The following LYZL6 variants were observed in gnomAD, a reference collection of about 807,000 sequenced individuals.
The protein encoded by LYZL6 is lysozyme-like protein 6.
In LYZL6, 21 loss-of-function variants were observed where a neutral mutation model predicts 15.0. The observed-to-expected ratio is 1.40, with a 90% CI of 1.00 to 2.02. The LOEUF (loss-of-function observed/expected upper bound fraction) is 2.02, where lower values mean the gene tolerates loss of function less well. Among genes scored for constraint, LYZL6 ranks in the 30% most tolerant of loss-of-function variants. The pLI, the probability that LYZL6 is intolerant of heterozygous loss-of-function variation, is 0.00. For missense variants in LYZL6, 173 were observed against 180.5 expected (o/e 0.96, Z 0.24); for synonymous variants, 72 against 67.8 (o/e 1.06, Z -0.31).
rs1231105420 is a variant in LYZL6 at position 35,934,817 on chromosome 17, C to T, written c.426G>A (p.Leu142=). ...HCSGRPLFYW[L]TGCRLR is the part of the protein sequence containing the mutation. The stretch of plus-strand genomic sequence containing the variant: ...TGTTTCATCTCAGGCGGCATCCTGT[C>T]AGCCAGTAGAAGAGTGGCCGGCCTG... The change falls in exon 5 of 5, where the codon CTG becomes CTA. Residue 142 remains leucine (L), a synonymous_variant. Coordinates refer to ENST00000615905, the MANE Select transcript of LYZL6 (RefSeq NM_020426.4). 2.5e-6 allele frequency: 4 copies of T among 1,614,228 alleles called. No individual in the cohort carries two copies. Among genetic ancestry groups the T allele is most frequent in the Non-Finnish European group, 2.5e-6 (3 of 1,180,052 alleles).
At chr17:35,939,581 G>C (rs962009451) in intron 1 of LYZL6, 23 bp from the exon 2 acceptor site, 4 of 399,930 alleles carry the variant, frequency 1.0e-5, no homozygotes, top group Non-Finnish European at 1.8e-5. Flanking sequence ...AAAGAGAATA[G>C]TATCATGAAC....
intron 1 of LYZL6, among the ~76,000 whole-genome samples, chr17:35,941,078 T>A (rs2089421471): frequency 6.6e-6 from 1 of 152,230 alleles, no homozygotes; most frequent in South Asian, 2.1e-4. Flanking sequence ...GCCTACCAGA[T>A]TTCCAAAGTG....
intron 1 of LYZL6, among the ~76,000 whole-genome samples, chr17:35,942,816 G>A (rs2089433838): frequency 6.6e-6 from 1 of 152,116 alleles, no homozygotes; most frequent in African/African-American, 2.4e-5. Context: ...CGCTAAGATA[G>A]GGAAGCTAAA....
At chr17:35,937,686 TG>T (rs2089386475) in intron 3 of LYZL6, 71 bp downstream of exon 3, 1 of 1,516,076 alleles carries the variant, frequency 6.6e-7, no homozygotes, top group Admixed American at 2.0e-5. Context: ...AGGCTGTGGG[TG>T]GGAAGAGAAG....
chr17:35,936,015 A>T (rs538345061), intron 4 of LYZL6, among the ~76,000 whole-genome samples: 6 of 151,376 alleles, frequency 4.0e-5, no homozygotes, highest in Non-Finnish European at 7.4e-5. Flanking sequence ...GGGCTTCACC[A>T]TGTTGACCAG....
chr17:35,938,583 A>G (rs1003881632), intron 2 of LYZL6, among the ~76,000 whole-genome samples: 11 of 148,570 alleles, frequency 7.4e-5, no homozygotes, highest in African/African-American at 2.7e-4. Context: ...GCGCCACTAC[A>G]CTCCAGCCTG....
rs142098525 is a variant in LYZL6, at chr17:35,940,109, T to C, written c.-202-551A>G. Among the ~76,000 whole-genome samples the C allele has an allele frequency of 1.3e-3, 200 of 152,116 alleles. 2 individuals carry two copies. Among genetic ancestry groups the C allele is most frequent in the African/African-American group, 3.9e-3 (163 of 41,514 alleles). ...CACATTGTGTATGTGTGTGTGCGCG[T>C]GTGTGTGTGTTGAATAGCAAGGGCC... On this transcript the variant is annotated intron_variant, in intron 1 of 4. Transcript: ENST00000615905.
intron 1 of LYZL6, 33 bp from the exon 2 acceptor site, chr17:35,939,591 C>G: frequency 2.9e-6 from 1 of 350,744 alleles, no homozygotes; most frequent in Non-Finnish European, 5.1e-6. Context: ...GTATCATGAA[C>G]CTCCATATAC....
intron 3 of LYZL6, among the ~76,000 whole-genome samples, chr17:35,937,239 A>T (rs1368633684): frequency 6.6e-6 from 1 of 152,188 alleles, no homozygotes; most frequent in East Asian, 1.9e-4. Flanking sequence ...GGGCAGAGTC[A>T]TGGGCCCTGT....
rs11654713 is a variant in LYZL6, at chr17:35,935,883, G to T, written c.377+872C>A. On this transcript the variant is annotated intron_variant, in intron 4 of 4. Coordinates refer to ENST00000615905, the MANE Select transcript of LYZL6 (RefSeq NM_020426.4). ...GGCTGGAGTGCAGTGGCGCGATCTC[G>T]GCTCACTGCAGCCTCCACCTCCCAG... is the stretch of plus-strand genomic sequence containing the variant. Among the ~76,000 whole-genome samples the T allele has an allele frequency of 4.7e-5, 7 of 148,172 alleles. No individual in the cohort carries two copies. The East Asian group carries it at 8.1e-4, about 17-fold the overall frequency.
intron 1 of LYZL6, among the ~76,000 whole-genome samples, chr17:35,940,024 A>G (rs926350158): frequency 1.3e-5 from 2 of 151,926 alleles, no homozygotes; most frequent in Admixed American, 6.6e-5. Context: ...ATTTTTCCCA[A>G]GGGCATACCC....
chr17:35,936,952 G>C, intron 3 of LYZL6, 119 bp from the exon 4 acceptor site: 2 of 835,670 alleles, frequency 2.4e-6, no homozygotes, highest in Non-Finnish European at 3.9e-6. Flanking sequence ...TGAGGCAAAG[G>C]CTGTCTCCCA....
In LYZL6 at chr17:35,934,931, T is replaced by C. The variant is rs895185175; in HGVS notation, c.378-66A>G. ...AACTCTTCCACACACATGACCCAGT[T>C]CTTGGTGAGTCTCGCATATGGAGCA... On this transcript the variant is annotated intron_variant, in intron 4 of 4. Coordinates refer to ENST00000615905, the MANE Select transcript of LYZL6 (RefSeq NM_020426.4). 25 of 1,496,728 alleles carry C rather than the reference T, an allele frequency of 1.7e-5. No individual in the cohort carries two copies. The African/African-American group carries it at 2.6e-4, about 16-fold the overall frequency. The allele number at this position is 1,496,728 out of a possible 1,614,324, so 92.7% of individuals were successfully genotyped here.
In LYZL6 at chr17:35,937,757, C is replaced by T. The variant is rs201666254; in HGVS notation, c.298+1G>A. 66 of 1,613,844 alleles carry T rather than the reference C, an allele frequency of 4.1e-5. No homozygotes were observed. Among genetic ancestry groups the T allele is most frequent in the Non-Finnish European group, 5.4e-5 (64 of 1,179,906 alleles). ...CTCCCACCCTGGGGCCCTGGCCAGA[C>T]CTTGACAGTCTACGTGGCAAAGGTT... On this transcript the variant is annotated splice_donor_variant, in intron 3 of 4. Transcript: ENST00000615905. LOFTEE classifies it high-confidence loss of function.
intron 1 of LYZL6, among the ~76,000 whole-genome samples, chr17:35,940,917 T>C (rs1040352771): frequency 2.2e-4 from 33 of 152,274 alleles, no homozygotes; most frequent in African/African-American, 8.0e-4. Flanking sequence ...CATTCATTAG[T>C]TGATGGACAT....
chr17:35,941,679 A>G (rs1279350146), intron 1 of LYZL6, among the ~76,000 whole-genome samples: 3 of 152,186 alleles, frequency 2.0e-5, no homozygotes, highest in African/African-American at 4.8e-5. Context: ...TGACAAAAAG[A>G]TACATTGTGT....
At chr17:35,936,222 G>A (rs1388188905) in intron 4 of LYZL6, among the ~76,000 whole-genome samples, 2 of 152,204 alleles carry the variant, frequency 1.3e-5, no homozygotes, top group Non-Finnish European at 2.9e-5. Flanking sequence ...TGGACCAAGG[G>A]GGCACACATG....
At chr17:35,935,348 A>T (rs1344825157) in intron 4 of LYZL6, among the ~76,000 whole-genome samples, 1 of 152,168 alleles carries the variant, frequency 6.6e-6, no homozygotes, top group Non-Finnish European at 1.5e-5. Flanking sequence ...CTGAATGTCC[A>T]CCGTTGGTGA....
Position 35,934,806 on chromosome 17 carries a change from C to T in LYZL6, c.437G>A (p.Arg146His), listed in dbSNP as rs768033779. 11 of 1,614,002 alleles carry T rather than the reference C, an allele frequency of 6.8e-6. No homozygotes were observed. The highest frequency in any genetic ancestry group is 2.7e-5 in the African/African-American group (2 of 74,930). The change falls in exon 5 of 5, where the codon CGC becomes CAC. Residue 146 changes from arginine to histidine, a missense_variant. Coordinates refer to ENST00000615905, the MANE Select transcript of LYZL6 (RefSeq NM_020426.4). The part of the protein sequence containing the change: ...RPLFYWLTGC[R>H]LR ...CACCCGCACCCTGTTTCATCTCAGG[C>T]GGCATCCTGTCAGCCAGTAGAAGAG...
Sources: allele counts gnomAD v4.1 joint callset (sites outside exome capture counted in the v4.1 genomes callset), GRCh38; gene constraint gnomAD v4.1.1; transcripts MANE v1.5; gene names NCBI Gene and HGNC (gene_info 2026-07-23, HGNC 2026-07-21).